The following TEX2 variants were observed in gnomAD, a reference collection of about 807,000 sequenced individuals.
TEX2 encodes testis expressed 2.
TEX2 carries 53 observed loss-of-function variants against 106.9 expected under a neutral mutation model. The ratio of observed to expected loss-of-function variants is 0.50; its 90% CI spans 0.40 to 0.62. TEX2 has a LOEUF of 0.62. TEX2 is among the 20% of genes least tolerant of loss of function. TEX2 has a pLI of 0.00. For synonymous variants in TEX2, 523 were observed against 534.8 expected, an observed-to-expected ratio of 0.98 and a Z score of 0.30; for missense variants, 1,207 against 1,379.0, an observed-to-expected ratio of 0.88 and a Z score of 1.98.
rs2033095129 is a variant in TEX2, at chr17:64,213,702, G to A, written c.516C>T (p.Ile172=). The change falls in exon 2 of 12, where the codon ATC becomes ATT. Residue 172 remains isoleucine (I), a synonymous_variant. Transcript: ENST00000584379. This position sits in a 1 kb window ranked among gnomAD's most constrained non-coding sequence, Gnocchi z 4.4. ...SPLSSPSKSP[I]LSSSASTSTL... ...TGGAGGTTGAGGCACTGGATGAGAGGATGGGAGACTTAGAAGGAGAGGACA... is the reference window on the plus strand; with the variant it reads ...TGGAGGTTGAGGCACTGGATGAGAGAATGGGAGACTTAGAAGGAGAGGACA... The A allele has an allele frequency of 6.2e-7, 1 of 1,614,174 alleles. No individual in the cohort carries two copies. The highest frequency in any genetic ancestry group is 1.3e-5 in the African/African-American group (1 of 75,036).
chr17:64,237,309 C>T (rs1418464860), intron 1 of TEX2, among the ~76,000 whole-genome samples: 1 of 151,938 alleles, frequency 6.6e-6, no homozygotes, highest in African/African-American at 2.4e-5. Context: ...CAGTATGAGA[C>T]AGGAGTGCGG....
At chr17:64,235,837 T>A (rs988923655) in intron 1 of TEX2, among the ~76,000 whole-genome samples, 6 of 152,206 alleles carry the variant, frequency 3.9e-5, no homozygotes, top group Non-Finnish European at 7.3e-5. Context: ...TTTTGAGTGC[T>A]ATGGGAATAT....
intron 10 of TEX2, 82 bp from the exon 11 acceptor site, chr17:64,151,043 C>A: frequency 1.4e-6 from 2 of 1,473,686 alleles, no homozygotes; most frequent in Non-Finnish European, 9.3e-7. Context: ...TTCTCATTTA[C>A]ATGGGGCTTT....
At chr17:64,201,595 C>T (rs2032661931) in intron 2 of TEX2, among the ~76,000 whole-genome samples, 1 of 152,078 alleles carries the variant, frequency 6.6e-6, no homozygotes, top group Non-Finnish European at 1.5e-5. Context: ...GGGACTCAAA[C>T]CAAGTGTTCC....
chr17:64,188,286 C>A lies in TEX2; in HGVS notation c.2306G>T (p.Arg769Leu). 1.2e-6 allele frequency: 2 copies of A among 1,614,082 alleles called. No individual in the cohort carries two copies. Among genetic ancestry groups the A allele is most frequent in the Non-Finnish European group, 1.7e-6 (2 of 1,180,030 alleles). Residue 769 changes from arginine (R) to leucine (L), a missense_variant, in exon 5 of 12, where the codon CGG becomes CTG. Coordinates refer to ENST00000584379, the MANE Select transcript of TEX2 (RefSeq NM_001288732.2). ...GCTGTAGTCGAGAAGCATCTTCTGC[C>A]GCACGCTGCCTGCCAGCTCCTTCTG... is the stretch of plus-strand genomic sequence containing the variant. Reference protein sequence around the residue: ...PKQKELAGSVRQKMLLDYSVY... With the variant: ...PKQKELAGSVLQKMLLDYSVY...
rs145943011 is a variant in TEX2, at chr17:64,164,308, C to T, written c.2672-3375G>A. Among the ~76,000 whole-genome samples the T allele has an allele frequency of 3.6e-3, 540 of 152,036 alleles. 5 individuals carry two copies. The highest frequency in any genetic ancestry group is 0.012 in the African/African-American group (513 of 41,452). On this transcript the variant is annotated intron_variant, in intron 7 of 11. Coordinates refer to ENST00000584379, the MANE Select transcript of TEX2 (RefSeq NM_001288732.2). ...CACAAATTAGCTAGGCATGGTGGTGCGCACCTGTAGTCCCAGCTGCTAGGT... is the reference window on the plus strand; with the variant it reads ...CACAAATTAGCTAGGCATGGTGGTGTGCACCTGTAGTCCCAGCTGCTAGGT...
At chr17:64,150,709 A>C in intron 11 of TEX2, 132 bp downstream of exon 11, 1 of 967,956 alleles carries the variant, frequency 1.0e-6, no homozygotes. Flanking sequence ...GATCAAATGT[A>C]ATACTCTTCC....
chr17:64,217,196 C>G lies in TEX2; in HGVS notation c.-25-2954G>C, dbSNP rs1321442611. ...CTAGAACCAGAGACCATGGTTTGGG[C>G]TCTAGACAACCTATCAAGTGGTCAC... On this transcript the variant is annotated intron_variant, in intron 1 of 11. Transcript: ENST00000584379. This position sits in a 1 kb window ranked among gnomAD's most constrained non-coding sequence, Gnocchi z 4.3. 6.6e-6 allele frequency among the ~76,000 whole-genome samples: 1 copy of G among 152,168 alleles called. No individual in the cohort carries two copies. Among genetic ancestry groups the G allele is most frequent in the Non-Finnish European group, 1.5e-5 (1 of 68,030 alleles).
chr17:64,186,051 GA>G (rs2032059922), intron 5 of TEX2, among the ~76,000 whole-genome samples: 1 of 152,192 alleles, frequency 6.6e-6, no homozygotes, highest in African/African-American at 2.4e-5. Context: ...GGACCCCAGT[GA>G]ACATAGCATA....
chr17:64,217,696 A>T lies in TEX2; in HGVS notation c.-25-3454T>A, dbSNP rs4968707. 0.54 allele frequency among the ~76,000 whole-genome samples: 82,496 copies of T among 152,004 alleles called. 24,119 individuals carry two copies. Among genetic ancestry groups the T allele is most frequent in the East Asian group, 0.83 (4,278 of 5,170 alleles). ...ACTCAATTATACCCAGGCTCAAAAA[A>T]AGAGACAAGCTTCTCTCAAGCCCTC... On this transcript the variant is annotated intron_variant, in intron 1 of 11. Transcript: ENST00000584379. This position sits in a 1 kb window ranked among gnomAD's most constrained non-coding sequence, Gnocchi z 4.3.
Position 64,153,289 on chromosome 17 carries a change from G to A in TEX2, c.2931-135C>T, listed in dbSNP as rs2030455566. 1 of 663,456 alleles carries A rather than the reference G, an allele frequency of 1.5e-6. No individual in the cohort carries two copies. 41.1% of individuals were successfully genotyped at this position (663,456 alleles called of 1,614,324 possible). A position where few individuals can be genotyped will look rare whatever the true frequency, so the allele number is the denominator to read the frequency against. ...ATGTGGTGATTCTGTGTTGGGGCGG[G>A]GGGCATCCTGTGCATTGCAGGGTGT... is the stretch of plus-strand genomic sequence containing the variant. On this transcript the variant is annotated intron_variant, in intron 9 of 11. Transcript: ENST00000584379. This position sits in a 1 kb window ranked among gnomAD's most constrained non-coding sequence, Gnocchi z 4.1.
At chr17:64,232,906 T>C (rs1257122870) in intron 1 of TEX2, among the ~76,000 whole-genome samples, 4 of 152,196 alleles carry the variant, frequency 2.6e-5, no homozygotes, top group Non-Finnish European at 4.4e-5. Context: ...CAGCTCCACC[T>C]AACAGACTGC....
intron 2 of TEX2, among the ~76,000 whole-genome samples, chr17:64,198,978 C>T (rs1178565320): frequency 7.2e-5 from 11 of 152,100 alleles, no homozygotes; most frequent in South Asian, 6.2e-4. Context: ...AAACTGTTCT[C>T]CAAGAAAAGG....
chr17:64,205,340 C>T lies in TEX2; in HGVS notation c.1644+7234G>A, dbSNP rs2032797349. 6.6e-6 allele frequency among the ~76,000 whole-genome samples: 1 copy of T among 152,128 alleles called. No homozygotes were observed. Among genetic ancestry groups the T allele is most frequent in the African/African-American group, 2.4e-5 (1 of 41,416 alleles). On this transcript the variant is annotated intron_variant, in intron 2 of 11. Coordinates refer to ENST00000584379, the MANE Select transcript of TEX2 (RefSeq NM_001288732.2). The surrounding 1 kb of genome is among the most constrained non-coding windows in gnomAD (Gnocchi z 4.0). ...AACAAACATACAAACAAACAAACAT[C>T]TCACCTGAAAACTATTCTACAAGGG...
At chr17:64,241,808 T>A (rs1399045854) in intron 1 of TEX2, among the ~76,000 whole-genome samples, 7 of 152,148 alleles carry the variant, frequency 4.6e-5, no homozygotes, top group African/African-American at 1.7e-4. Flanking sequence ...AGTTTTTCAA[T>A]GTTTTAAATA....
chr17:64,166,852 C>T (rs953753733), intron 7 of TEX2, among the ~76,000 whole-genome samples: 1 of 152,082 alleles, frequency 6.6e-6, no homozygotes, highest in Admixed American at 6.5e-5. Context: ...CTGGAGGTGG[C>T]AGCCCAGGGT....
At chr17:64,174,664 C>T (rs960901470) in intron 6 of TEX2, among the ~76,000 whole-genome samples, 19 of 152,182 alleles carry the variant, frequency 1.2e-4, no homozygotes, top group Non-Finnish European at 1.3e-4. Context: ...AGGGACTAGG[C>T]ATTCAAGGGT....
At chr17:64,210,634 CTTTTTTTTT>C (rs58313195) in intron 2 of TEX2, among the ~76,000 whole-genome samples, 4 of 74,784 alleles carry the variant, frequency 5.3e-5, no homozygotes, top group Non-Finnish European at 7.3e-5. Context: ...CAACCCCCAG[CTTTTTTTTT>C]TTTTTTTTTT....
chr17:64,210,966 T>C (rs575336067), intron 2 of TEX2, among the ~76,000 whole-genome samples: 1 of 151,948 alleles, frequency 6.6e-6, no homozygotes, highest in South Asian at 2.1e-4. Context: ...TTTATTATTA[T>C]TATTATTATT....
Sources: gnomAD v4.1 joint callset for allele counts (sites outside exome capture counted in the v4.1 genomes callset) on GRCh38, gnomAD v4.1.1 for gene constraint, Gnocchi (gnomAD v3.1) non-coding constraint, MANE v1.5 for transcripts, NCBI Gene and HGNC (gene_info 2026-07-23, HGNC 2026-07-21) for gene names.